Variants in TTLL1 observed in about 807,000 individuals in gnomAD.
TTLL1 encodes polyglutamylase complex subunit TTLL1.
A neutral mutation model predicts 47.8 loss-of-function variants in TTLL1; 33 were observed. The ratio of observed to expected loss-of-function variants is 0.69; its 90% confidence interval spans 0.52 to 0.92. TTLL1 has a LOEUF of 0.92. Among genes scored for constraint, TTLL1 ranks in the 40% least tolerant of loss-of-function variants. The probability of loss-of-function intolerance (pLI) is 0.00; values close to 1 mark genes in which losing one functional copy is unlikely to be tolerated. For synonymous variants in TTLL1, 225 were observed against 214.1 expected (o/e 1.05, Z -0.45); for missense variants, 488 against 547.5 (o/e 0.89, Z 1.08).
chr22:43,084,532 T>A (rs5759152), intron 1 of TTLL1, among the ~76,000 whole-genome samples: 17 of 149,482 alleles, frequency 1.1e-4, no homozygotes, highest in East Asian at 8.2e-4. Flanking sequence ...GATGGAGTCT[T>A]GCTCAATCGC....
At chr22:43,065,592 T>A (rs1038476103) in intron 5 of TTLL1, among the ~76,000 whole-genome samples, 3 of 148,452 alleles carry the variant, frequency 2.0e-5, no homozygotes, top group Non-Finnish European at 3.0e-5. Context: ...CATGGCCAAA[T>A]TTTTTTTTTT....
Position 43,087,914 on chromosome 22 carries a change from G to A in TTLL1, c.-90+1363C>T, listed in dbSNP as rs964744022. On this transcript the variant is annotated intron_variant, in intron 1 of 10. Coordinates refer to ENST00000266254, the MANE Select transcript of TTLL1 (RefSeq NM_012263.5). Reference sequence around the variant, plus strand: ...TGTAATCCCAGCACTTTGGGAGGCCGAGGTGGGCGGATCACCTGAGGTCAG... The same window carrying A: ...TGTAATCCCAGCACTTTGGGAGGCCAAGGTGGGCGGATCACCTGAGGTCAG... Among the ~76,000 whole-genome samples the A allele has an allele frequency of 6.1e-5, 9 of 148,056 alleles. No homozygotes were observed. In the South Asian group the frequency reaches 1.1e-3, roughly 18 times the overall value.
intron 9 of TTLL1, among the ~76,000 whole-genome samples, chr22:43,047,813 C>T (rs1356075267): frequency 6.6e-6 from 1 of 152,038 alleles, no homozygotes; most frequent in Non-Finnish European, 1.5e-5. Flanking sequence ...TTCTAATGAC[C>T]TTGGTTAGCT....
intron 5 of TTLL1, among the ~76,000 whole-genome samples, chr22:43,066,935 C>G (rs972659109): frequency 6.6e-6 from 1 of 151,800 alleles, no homozygotes; most frequent in African/African-American, 2.4e-5. Flanking sequence ...TTGCAGTGAG[C>G]TGAGATTGTA....
intron 1 of TTLL1, among the ~76,000 whole-genome samples, chr22:43,087,385 G>A (rs575031706): frequency 6.3e-4 from 95 of 151,622 alleles, no homozygotes; most frequent in African/African-American, 1.9e-3. Flanking sequence ...TTAGCTGCGC[G>A]TGGTGGTGCA....
chr22:43,068,397 T>C lies in TTLL1; in HGVS notation c.503+13A>G. 1 of 1,482,838 alleles carries C rather than the reference T, an allele frequency of 6.7e-7. No homozygotes were observed. The highest frequency in any genetic ancestry group is 9.1e-7 in the Non-Finnish European group (1 of 1,097,872). The allele number at this position is 1,482,838 out of a possible 1,614,324, so 91.9% of individuals were successfully genotyped here. ...GGACCTGGCACACAAAGTGGGTGGC[T>C]GCCCACACTTACGAAGATGTCTTGC... On this transcript the variant is annotated intron_variant, in intron 5 of 10. Transcript: ENST00000266254.
rs1601657177 is a variant in TTLL1, at chr22:43,048,256, G to T, written c.979-1683C>A. 3.3e-5 allele frequency among the ~76,000 whole-genome samples: 5 copies of T among 151,994 alleles called. 1 individual carries two copies. Among genetic ancestry groups the T allele is most frequent in the Admixed American group, 3.3e-4 (5 of 15,208 alleles). Reference sequence around the variant, plus strand: ...CGCTTGAACCCGGGAGGTGGAGGTTGCAGTGAGCTGAGATCACGCCACTGC... The same window carrying T: ...CGCTTGAACCCGGGAGGTGGAGGTTTCAGTGAGCTGAGATCACGCCACTGC... On this transcript the variant is annotated intron_variant, in intron 9 of 10. Coordinates refer to ENST00000266254, the MANE Select transcript of TTLL1 (RefSeq NM_012263.5).
At chr22:43,054,886 G>A (rs972560900) in intron 8 of TTLL1, among the ~76,000 whole-genome samples, 4 of 150,148 alleles carry the variant, frequency 2.7e-5, no homozygotes, top group Non-Finnish European at 4.4e-5. Flanking sequence ...CACTACGCCT[G>A]GCTAATTTTT....
chr22:43,068,819 G>A (rs576545349), intron 4 of TTLL1, among the ~76,000 whole-genome samples: 3 of 152,192 alleles, frequency 2.0e-5, no homozygotes, highest in South Asian at 4.1e-4. Context: ...CAATCCCCAC[G>A]GCCACCTGGG....
intron 1 of TTLL1, among the ~76,000 whole-genome samples, chr22:43,081,405 G>A (rs60724191): frequency 0.025 from 3,780 of 152,132 alleles, 168 homozygotes; most frequent in African/African-American, 0.087. Flanking sequence ...TTTGACAGTC[G>A]CTCCCATAGA....
intron 2 of TTLL1, 52 bp from the exon 3 acceptor site, chr22:43,075,642 T>C (rs1409898891): frequency 4.6e-6 from 7 of 1,515,628 alleles, no homozygotes; most frequent in Non-Finnish European, 1.8e-6. Flanking sequence ...CTCACTTCCC[T>C]TTAAACCCAA....
chr22:43,077,331 G>C (rs1353993369), intron 2 of TTLL1, among the ~76,000 whole-genome samples: 2 of 152,056 alleles, frequency 1.3e-5, no homozygotes, highest in East Asian at 1.9e-4. Context: ...TGCTGCCCTC[G>C]ATCTCTGCCT....
At chr22:43,054,766 C>T (rs1160248795) in intron 8 of TTLL1, among the ~76,000 whole-genome samples, 1 of 133,084 alleles carries the variant, frequency 7.5e-6, no homozygotes, top group Non-Finnish European at 1.5e-5. Flanking sequence ...TGCTCTGTGG[C>T]CCAGGCTGGA....
intron 3 of TTLL1, among the ~76,000 whole-genome samples, chr22:43,071,530 C>A (rs1271928366): frequency 6.6e-6 from 1 of 152,188 alleles, no homozygotes; most frequent in Non-Finnish European, 1.5e-5. Flanking sequence ...CTGCCTCAGC[C>A]TCCTGAGTAG....
rs554074610 is a variant in TTLL1 at position 43,078,499 on chromosome 22, A to G, written c.-5+1403T>C. On this transcript the variant is annotated intron_variant, in intron 2 of 10. Transcript: ENST00000266254. ...CGACACAGCAAGACTCTGTCAGAAA[A>G]GAAAAGGAAGGAAAAACAAAAGAGA... Among the ~76,000 whole-genome samples the G allele has an allele frequency of 3.3e-5, 5 of 152,232 alleles. No individual in the cohort carries two copies. In the East Asian group the frequency reaches 9.7e-4, roughly 29 times the overall value.
intron 5 of TTLL1, among the ~76,000 whole-genome samples, chr22:43,066,755 C>G (rs1021931478): frequency 2.2e-4 from 33 of 151,522 alleles, no homozygotes; most frequent in Non-Finnish European, 5.9e-5. Context: ...TTTGGGAGGC[C>G]AAGGTGGGTG....
chr22:43,074,540 T>C (rs1410704277), intron 3 of TTLL1, among the ~76,000 whole-genome samples: 1 of 152,044 alleles, frequency 6.6e-6, no homozygotes, highest in Non-Finnish European at 1.5e-5. Context: ...TTTTTGCTGT[T>C]GTTGAGAATA....
At chr22:43,087,837 CA>C (rs134988) in intron 1 of TTLL1, among the ~76,000 whole-genome samples, 63 of 62,936 alleles carry the variant, frequency 1.0e-3, no homozygotes, top group Non-Finnish European at 1.5e-3. Flanking sequence ...GAGACGGTCT[CA>C]AAAAAAAAAA....
Position 43,039,791 on chromosome 22 carries a change from G to A in TTLL1, c.1257C>T (p.Leu419=), listed in dbSNP as rs1925513246. The A allele has an allele frequency of 1.2e-6, 2 of 1,612,558 alleles. No homozygotes were observed. The highest frequency in any genetic ancestry group is 2.2e-5 in the South Asian group (2 of 90,972). The change falls in exon 11 of 11, where the codon CTC becomes CTT. Residue 419 remains leucine, a synonymous_variant. Coordinates refer to ENST00000266254, the MANE Select transcript of TTLL1 (RefSeq NM_012263.5). ...GRSRDSGRAV[L]TTWK is the part of the protein sequence containing the mutation. Reference sequence around the variant, plus strand: ...CAGGTGGGACTCACTTCCAGGTGGTGAGGACCGCTCTCCCCGAGTCTCTCG... The same window carrying A: ...CAGGTGGGACTCACTTCCAGGTGGTAAGGACCGCTCTCCCCGAGTCTCTCG...
Sources: gnomAD v4.1 joint callset for allele counts (sites outside exome capture counted in the v4.1 genomes callset) on GRCh38, gnomAD v4.1.1 for gene constraint, MANE v1.5 for transcripts, NCBI Gene and HGNC (gene_info 2026-07-23, HGNC 2026-07-21) for gene names.